Variants in RPS19 observed in about 807,000 individuals in gnomAD.
RPS19 encodes ribosomal protein S19, also known as small ribosomal subunit protein eS19.
Under a neutral mutation model 20.3 loss-of-function variants are expected in RPS19, and 1 was observed. The observed-to-expected ratio is 0.05, with a 90% CI of 0.02 to 0.23. The LOEUF is 0.23. RPS19 is among the 10% of genes least tolerant of loss of function. The probability of loss-of-function intolerance (pLI) is 1.00; values close to 1 mark genes in which losing one functional copy is unlikely to be tolerated. For missense variants in RPS19, 111 were observed against 192.7 expected (o/e 0.58, Z 2.51); for synonymous variants, 87 against 74.8 (o/e 1.16, Z -0.84).
At chr19:41,869,289 T>A in intron 4 of RPS19, 75 bp downstream of exon 4, 3 of 1,358,752 alleles carry the variant, frequency 2.2e-6, no homozygotes, top group Non-Finnish European at 3.1e-6. Flanking sequence ...CGAATGGTCC[T>A]GCATAGTCTG....
chr19:41,864,939 A>G (rs1274597215), intron 3 of RPS19: 1 of 152,164 alleles, frequency 6.6e-6, no homozygotes, highest in South Asian at 2.1e-4. Context: ...AACTCTTAGC[A>G]TTTTCCAATT....
intron 1 of RPS19, chr19:41,860,559 G>A (rs974485159): frequency 6.6e-6 from 4 of 603,472 alleles, no homozygotes; most frequent in South Asian, 1.8e-5. Flanking sequence ...CACACGCAGG[G>A]GCCGGGCTCT....
chr19:41,861,064 GT>G, intron 2 of RPS19, 47 bp from the exon 3 acceptor site: 1 of 1,456,350 alleles, frequency 6.9e-7, no homozygotes, highest in Non-Finnish European at 9.6e-7. Flanking sequence ...ATATGGGGTA[GT>G]TTGTGGAGAT....
In RPS19 at chr19:41,871,506, T is replaced by C; in HGVS notation, c.*129T>C. ...ATCTCAGCTCACTGCAATCTCCGCC[T>C]TCTGGGTTCAAATGATTCTCCTGCC... On this transcript the variant is annotated 3_prime_UTR_variant, in exon 6 of 6. Transcript: ENST00000598742. 5.0e-6 allele frequency: 4 copies of C among 798,740 alleles called. No individual in the cohort carries two copies. The South Asian group carries it at 5.6e-5, about 11-fold the overall frequency. 49.5% of individuals were successfully genotyped at this position (798,740 alleles called of 1,614,324 possible). A position where few individuals can be genotyped will look rare whatever the true frequency, so the allele number is the denominator to read the frequency against.
chr19:41,865,392 C>G (rs1403560337), intron 3 of RPS19, among the ~76,000 whole-genome samples: 4 of 150,280 alleles, frequency 2.7e-5, no homozygotes, highest in African/African-American at 9.8e-5. Flanking sequence ...CCTAATAGGC[C>G]TTATGGGAGC....
At chr19:41,860,955 C>A (rs1220411522) in intron 2 of RPS19, 110 bp downstream of exon 2, 14 of 1,157,750 alleles carry the variant, frequency 1.2e-5, no homozygotes, top group Non-Finnish European at 1.8e-5. Flanking sequence ...TTGGGGCCTC[C>A]GTGGCTCCTT....
intron 3 of RPS19, among the ~76,000 whole-genome samples, chr19:41,862,430 T>A (rs1555839461): frequency 2.0e-5 from 3 of 152,144 alleles, no homozygotes; most frequent in African/African-American, 7.2e-5. Flanking sequence ...GAAGAGAAGC[T>A]GACTTCCCTG....
intron 3 of RPS19, among the ~76,000 whole-genome samples, chr19:41,865,930 CAG>C (rs1307097384): frequency 8.9e-6 from 1 of 112,708 alleles, no homozygotes; most frequent in African/African-American, 3.5e-5. Context: ...GCCTGGGCGA[CAG>C]AGTGAGACTC....
At chr19:41,863,422 T>C (rs550907123) in intron 3 of RPS19, among the ~76,000 whole-genome samples, 1 of 152,292 alleles carries the variant, frequency 6.6e-6, no homozygotes, top group African/African-American at 2.4e-5. Context: ...TGCTGCAAGT[T>C]ACCCTGGGAG....
Position 41,871,388 on chromosome 19 carries a change from G to A in RPS19, c.*11G>A. The stretch of plus-strand genomic sequence containing the variant: ...AACAAGAAGCATTAGAACAAACCAT[G>A]CTGGGTTAATAAATTGCCTCATTCG... On this transcript the variant is annotated 3_prime_UTR_variant, in exon 6 of 6. Coordinates refer to ENST00000598742, the MANE Select transcript of RPS19 (RefSeq NM_001022.4). 6.2e-7 allele frequency: 1 copy of A among 1,612,960 alleles called. No homozygotes were observed. Among genetic ancestry groups the A allele is most frequent in the Non-Finnish European group, 8.5e-7 (1 of 1,179,028 alleles).
At chr19:41,864,499 G>C (rs1308713632) in intron 3 of RPS19, 17 of 152,280 alleles carry the variant, frequency 1.1e-4, no homozygotes, top group African/African-American at 4.1e-4. Flanking sequence ...CACCGGTCTG[G>C]ACTTTGCTGA....
At chr19:41,865,370 A>G (rs1410724145) in intron 3 of RPS19, among the ~76,000 whole-genome samples, 1 of 151,932 alleles carries the variant, frequency 6.6e-6, no homozygotes, top group Non-Finnish European at 1.5e-5. Context: ...TCTCAAAAAA[A>G]AAAAAAAAGC....
At chr19:41,867,559 G>A (rs955835154) in intron 3 of RPS19, among the ~76,000 whole-genome samples, 11 of 152,190 alleles carry the variant, frequency 7.2e-5, no homozygotes, top group Admixed American at 3.3e-4. Context: ...TGATTCTCCC[G>A]CCTCAGCCTC....
intron 3 of RPS19, chr19:41,864,062 C>T (rs1216366763): frequency 1.3e-5 from 2 of 152,220 alleles, no homozygotes; most frequent in African/African-American, 2.4e-5. Context: ...GGGATGCTCT[C>T]GATCTCTTGA....
intron 3 of RPS19, chr19:41,861,477 C>G: frequency 2.0e-6 from 1 of 496,970 alleles, no homozygotes; most frequent in Non-Finnish European, 3.7e-6. Context: ...ATTTTGCTTA[C>G]AGGTGGTTTA....
At chr19:41,865,714 C>T (rs551744728) in intron 3 of RPS19, among the ~76,000 whole-genome samples, 5 of 151,878 alleles carry the variant, frequency 3.3e-5, no homozygotes, top group Admixed American at 6.6e-5. Context: ...TTTCGGAGGC[C>T]GAGGCGGGCG....
chr19:41,866,563 TTTAA>T (rs1317538146), intron 3 of RPS19, among the ~76,000 whole-genome samples: 1 of 152,046 alleles, frequency 6.6e-6, no homozygotes, highest in Non-Finnish European at 1.5e-5. Flanking sequence ...AGGTGGGGAT[TTTAA>T]AGTGAGCAGA....
chr19:41,867,597 C>T (rs1242243158), intron 3 of RPS19, among the ~76,000 whole-genome samples: 2 of 152,242 alleles, frequency 1.3e-5, no homozygotes, highest in Middle Eastern at 3.2e-3. Context: ...CAGGCGTGAG[C>T]CACTGCGCCC....
rs376460080 is a variant in RPS19, at chr19:41,860,766, C to A, written c.1-9C>A. The A allele has an allele frequency of 1.9e-6, 3 of 1,610,704 alleles. No homozygotes were observed. The highest frequency in any genetic ancestry group is 2.5e-6 in the Non-Finnish European group (3 of 1,176,836). On this transcript the variant is annotated splice_polypyrimidine_tract_variant and intron_variant, in intron 1 of 5. Transcript: ENST00000598742. ...GGCCTGTGTTCACATGCTTGACTTT[C>A]TCCCTCAGATGCCTGGAGTTACTGT...
Sources: gnomAD v4.1 joint callset for allele counts (sites outside exome capture counted in the v4.1 genomes callset) on GRCh38, gnomAD v4.1.1 for gene constraint, MANE v1.5 for transcripts, NCBI Gene and HGNC (gene_info 2026-07-23, HGNC 2026-07-21) for gene names.